The following ECE2 variants were observed in gnomAD, a reference collection of about 807,000 sequenced individuals.
ECE2 encodes the protein endothelin converting enzyme 2, also known as endothelin-converting enzyme 2.
Under a neutral mutation model 100.6 loss-of-function variants are expected in ECE2, and 81 were observed. The ratio of observed to expected loss-of-function variants is 0.81; its 90% CI spans 0.67 to 0.97. ECE2 has a LOEUF of 0.97. ECE2 is among the 50% of genes least tolerant of loss of function. The pLI, the probability that ECE2 is intolerant of heterozygous loss-of-function variation, is 0.00. For synonymous variants in ECE2, 391 were observed against 391.5 expected (o/e 1.00, Z 0.02); for missense variants, 911 against 988.1 (o/e 0.92, Z 1.05).
Position 184,276,181 on chromosome 3 carries a change from G to A in ECE2, c.28G>A (p.Ala10Thr). The A allele has an allele frequency of 6.9e-7, 1 of 1,447,196 alleles. No homozygotes were observed. The highest frequency in any genetic ancestry group is 9.0e-7 in the Non-Finnish European group (1 of 1,105,680). The allele number at this position is 1,447,196 out of a possible 1,614,324, so 89.6% of individuals were successfully genotyped here. MNVALQELG[A>T]GSNMVEYKRA... ...GAACGTCGCGCTGCAGGAGCTGGGA[G>A]CTGGCAGCAACGTGAGTGGGGGCCC... is the stretch of plus-strand genomic sequence containing the variant. The change falls in exon 1 of 19, where the codon GCT becomes ACT. Residue 10 changes from alanine (A) to threonine (T), a missense_variant. Transcript: ENST00000404464.
At chr3:184,290,990 C>T in intron 16 of ECE2, 50 bp from the exon 17 acceptor site, 1 of 1,559,282 alleles carries the variant, frequency 6.4e-7, no homozygotes, top group Non-Finnish European at 8.7e-7. Flanking sequence ...CTGCTGCCCC[C>T]AAGAGACGAG....
chr3:184,290,070 C>T (rs977535662), intron 13 of ECE2, among the ~76,000 whole-genome samples, 185 bp from the exon 14 acceptor site: 2 of 152,166 alleles, frequency 1.3e-5, no homozygotes, highest in Middle Eastern at 3.4e-3. Flanking sequence ...TAAATGAATA[C>T]AGTATGTAAA....
At chr3:184,292,008 A>C in intron 18 of ECE2, 54 bp from the exon 19 acceptor site, 1 of 1,553,634 alleles carries the variant, frequency 6.4e-7, no homozygotes, top group Admixed American at 1.8e-5. Context: ...GCTGACTCTA[A>C]GGCCCGGCTC....
intron 1 of ECE2, 122 bp from the exon 2 acceptor site, chr3:184,276,359 G>A: frequency 2.1e-6 from 3 of 1,414,966 alleles, no homozygotes; most frequent in Non-Finnish European, 2.9e-6. Flanking sequence ...CAGGGCAGGT[G>A]GGAAGGGAAG....
Position 184,289,793 on chromosome 3 carries a change from C to A in ECE2, c.1551+75C>A. ...TGTTCCCTGGGCTTAGAAATTGGGG[C>A]TCAAGCACTGGGAAAGAGGTGCTTG... On this transcript the variant is annotated intron_variant, in intron 13 of 18. Transcript: ENST00000404464. The surrounding 1 kb of genome is among the most constrained non-coding windows in gnomAD (Gnocchi z 4.1). The A allele has an allele frequency of 2.2e-6, 3 of 1,335,426 alleles. No homozygotes were observed. The highest frequency in any genetic ancestry group is 1.5e-5 in the African/African-American group (1 of 68,148). The allele number at this position is 1,335,426 out of a possible 1,614,324, so 82.7% of individuals were successfully genotyped here. A position where few individuals can be genotyped will look rare whatever the true frequency, so the allele number is the denominator to read the frequency against.
intron 2 of ECE2, 97 bp from the exon 3 acceptor site, chr3:184,276,795 C>T (rs1201472222): frequency 2.5e-6 from 4 of 1,577,508 alleles, no homozygotes; most frequent in African/African-American, 1.3e-5. Flanking sequence ...CCAGAGTTAA[C>T]CCTGTGGCTC....
At position 184,276,587 on chromosome 3, in the gene ECE2, C is replaced by T. The variant is rs1168681969; in HGVS notation, c.126+20C>T. 1.2e-6 allele frequency: 2 copies of T among 1,601,480 alleles called. No homozygotes were observed. The highest frequency in any genetic ancestry group is 1.7e-6 in the Non-Finnish European group (2 of 1,174,744). The stretch of plus-strand genomic sequence containing the variant: ...ATGGAGGTGGGCAAGGGGGCTTCCC[C>T]TTTCTCACCAGGCCCCAGCCCTGGC... On this transcript the variant is annotated intron_variant, in intron 2 of 18. Transcript: ENST00000404464.
At position 184,291,185 on chromosome 3, in the gene ECE2, G is replaced by A. The variant is rs758380914; in HGVS notation, c.1980G>A (p.Leu660=). The A allele has an allele frequency of 6.2e-6, 10 of 1,613,792 alleles. No individual in the cohort carries two copies. In the South Asian group the frequency reaches 1.1e-4, roughly 18 times the overall value. ...AGAGGCTCAACGGCCGCCAGACGCT[G>A]GGGGAGAACATTGCTGACAACGGGG... ...NGERLNGRQT[L]GENIADNGGL... Residue 660 remains leucine (L), a synonymous_variant, in exon 17 of 19, where the codon CTG becomes CTA. Coordinates refer to ENST00000404464, the MANE Select transcript of ECE2 (RefSeq NM_001100121.2). This position sits in a 1 kb window ranked among gnomAD's most constrained non-coding sequence, Gnocchi z 4.1.
At position 184,287,911 on chromosome 3, in the gene ECE2, C is replaced by G; in HGVS notation, c.1338C>G (p.Phe446Leu). ...TTGGCTTTGCTTTGGGGTCCCTCTT[C>G]GTGAAGGCCACGTTTGACCGGCAAA... ...DALGFALGSL[F>L]VKATFDRQSK... Residue 446 changes from phenylalanine (F) to leucine (L), a missense_variant, in exon 11 of 19, where the codon TTC becomes TTG. By Grantham distance (22) the Phe-to-Leu change is conservative (BLOSUM62 0). Transcript: ENST00000404464. 6.2e-7 allele frequency: 1 copy of G among 1,614,180 alleles called. No homozygotes were observed. The highest frequency in any genetic ancestry group is 1.1e-5 in the South Asian group (1 of 91,080).
chr3:184,291,259 C>T lies in ECE2; in HGVS notation c.2025+29C>T, dbSNP rs778730888. The T allele has an allele frequency of 5.1e-5, 82 of 1,599,944 alleles. No individual in the cohort carries two copies. Among genetic ancestry groups the T allele is most frequent in the Non-Finnish European group, 6.2e-5 (73 of 1,171,886 alleles). On this transcript the variant is annotated intron_variant, in intron 17 of 18. Coordinates refer to ENST00000404464, the MANE Select transcript of ECE2 (RefSeq NM_001100121.2). The surrounding 1 kb of genome is among the most constrained non-coding windows in gnomAD (Gnocchi z 4.1). The stretch of plus-strand genomic sequence containing the variant: ...AGTGGCCTGACCAGCCCTCCAGCGG[C>T]TGAGGCCTGCTGGCCTGGGGTGAAA...
chr3:184,291,129 G>A lies in ECE2; in HGVS notation c.1924G>A (p.Glu642Lys). Residue 642 changes from glutamate to lysine, a missense_variant, in exon 17 of 19, where the codon GAA (glutamate) becomes AAA (lysine). Physicochemically the swap from Glu to Lys is moderately conservative, Grantham distance 56. Transcript: ENST00000404464. The surrounding 1 kb of genome is among the most constrained non-coding windows in gnomAD (Gnocchi z 4.1). ...CCGGAACCACACGGCCTGCATGGAG[G>A]AACAGTACAATCAATACCAGGTCAA... ...AFRNHTACME[E>K]QYNQYQVNGE... 6.2e-7 allele frequency: 1 copy of A among 1,613,138 alleles called. No homozygotes were observed. Among genetic ancestry groups the A allele is most frequent in the Non-Finnish European group, 8.5e-7 (1 of 1,179,536 alleles).
chr3:184,284,687 T>C (rs752815508), intron 8 of ECE2, among the ~76,000 whole-genome samples: 4 of 152,036 alleles, frequency 2.6e-5, no homozygotes, highest in Non-Finnish European at 4.4e-5. Context: ...TGCAGGGTGT[T>C]GGGAGTGGTA....
Position 184,290,551 on chromosome 3 carries a change from C to T in ECE2, c.1656-6C>T, listed in dbSNP as rs747568555. ...GAGCCTCAGCCCCTCACTCTTCCTC[C>T]GCCAGGTGGAGCATGACCCCCCAGA... On this transcript the variant is annotated splice_region_variant and splice_polypyrimidine_tract_variant and intron_variant, in intron 14 of 18. Transcript: ENST00000404464. The T allele has an allele frequency of 1.7e-5, 27 of 1,613,136 alleles. No homozygotes were observed. The highest frequency in any genetic ancestry group is 1.3e-4 in the South Asian group (12 of 91,014).
At position 184,276,570 on chromosome 3, in the gene ECE2, G is replaced by A; in HGVS notation, c.126+3G>A. 2.5e-6 allele frequency: 4 copies of A among 1,606,668 alleles called. No homozygotes were observed. In the South Asian group the frequency reaches 3.3e-5, roughly 13 times the overall value. On this transcript the variant is annotated splice_donor_region_variant and intron_variant, in intron 2 of 18. Coordinates refer to ENST00000404464, the MANE Select transcript of ECE2 (RefSeq NM_001100121.2). ...GGGCCTCCCCGGACGCCATGGAGGT[G>A]GGCAAGGGGGCTTCCCCTTTCTCAC...
intron 16 of ECE2, 30 bp downstream of exon 16, chr3:184,290,890 C>G: frequency 3.7e-6 from 6 of 1,613,924 alleles, no homozygotes; most frequent in Non-Finnish European, 5.1e-6. Flanking sequence ...TCCCCTCTAG[C>G]CTAGAATTCC....
intron 6 of ECE2, 87 bp from the exon 7 acceptor site, chr3:184,278,405 C>T (rs1720667124): frequency 6.3e-7 from 1 of 1,586,288 alleles, no homozygotes; most frequent in Non-Finnish European, 8.6e-7. Context: ...GGGCTGACCC[C>T]CCGGCCCCAC....
At chr3:184,276,860 T>G in intron 2 of ECE2, 32 bp from the exon 3 acceptor site, 1 of 1,610,590 alleles carries the variant, frequency 6.2e-7, no homozygotes, top group Non-Finnish European at 8.5e-7. Flanking sequence ...GCCCTGCATC[T>G]CAGTCACTCT....
intron 7 of ECE2, among the ~76,000 whole-genome samples, chr3:184,280,021 G>A (rs78987959): frequency 0.032 from 4,805 of 152,194 alleles, 228 homozygotes; most frequent in African/African-American, 0.11. Flanking sequence ...AGGAAGGGGA[G>A]GATGTAAGCG....
rs191287796 is a variant in ECE2 at position 184,288,266 on chromosome 3, C to T, written c.1374+319C>T. On this transcript the variant is annotated intron_variant, in intron 11 of 18. Transcript: ENST00000404464. ...CGGAGGTTGCAGTGAGCCGAGATCGCGCCAGTGCACTCCAGCCTGGGCGAC... is the reference window on the plus strand; with the variant it reads ...CGGAGGTTGCAGTGAGCCGAGATCGTGCCAGTGCACTCCAGCCTGGGCGAC... Among the ~76,000 whole-genome samples the T allele has an allele frequency of 1.9e-3, 277 of 144,752 alleles. 2 individuals carry two copies. The highest frequency in any genetic ancestry group is 6.7e-3 in the African/African-American group (259 of 38,908). The allele number at this position is 144,752 out of a possible 152,430, so 95.0% of individuals were successfully genotyped here. A position where few individuals can be genotyped will look rare whatever the true frequency, so the allele number is the denominator to read the frequency against.
Sources: allele counts gnomAD v4.1 joint callset (sites outside exome capture counted in the v4.1 genomes callset), GRCh38; gene constraint gnomAD v4.1.1; non-coding constraint Gnocchi (gnomAD v3.1); transcripts MANE v1.5; gene names NCBI Gene and HGNC (gene_info 2026-07-23, HGNC 2026-07-21).